The following ADGRF3 variants were observed in gnomAD, a reference collection of about 807,000 sequenced individuals.
The protein encoded by ADGRF3 is adhesion G protein-coupled receptor F3.
ADGRF3 carries 85 observed loss-of-function variants against 93.2 expected under a neutral mutation model. The observed-to-expected ratio is 0.91, with a 90% CI of 0.77 to 1.09. The LOEUF is 1.09. Among genes scored for constraint, ADGRF3 ranks in the 50% least tolerant of loss-of-function variants. The probability of loss-of-function intolerance (pLI) is 0.00; values close to 1 mark genes in which losing one functional copy is unlikely to be tolerated. For synonymous variants in ADGRF3, 534 were observed against 532.5 expected (o/e 1.00, Z -0.04); for missense variants, 1,125 against 1,246.2 (o/e 0.90, Z 1.46).
intron 13 of ADGRF3, 28 bp downstream of exon 13, chr2:26,309,498 G>A (rs765568584): frequency 1.2e-5 from 20 of 1,606,338 alleles, no homozygotes; most frequent in African/African-American, 4.0e-5. Flanking sequence ...CCCTGCTTAC[G>A]CTGCCCCTGA....
rs536225032 is a variant in ADGRF3 at position 26,315,835 on chromosome 2, T to C, written c.500-95A>G. 2.9e-4 allele frequency: 444 copies of C among 1,506,026 alleles called. 3 individuals are homozygous for C. The South Asian group carries it at 5.3e-3, about 18-fold the overall frequency. 93.3% of individuals were successfully genotyped at this position (1,506,026 alleles called of 1,614,324 possible). On this transcript the variant is annotated intron_variant, in intron 4 of 13. Transcript: ENST00000651242. The stretch of plus-strand genomic sequence containing the variant: ...GCTTCTCCCCTGACTCTGGAGCCCA[T>C]TCCTCCACACTCCCTCCCTAGCTTT...
At chr2:26,325,410 T>C (rs948488871) in intron 1 of ADGRF3, among the ~76,000 whole-genome samples, 11 of 152,252 alleles carry the variant, frequency 7.2e-5, no homozygotes, top group Non-Finnish European at 1.5e-4. Context: ...GGTGTAAATT[T>C]ATTCAGAAGG....
At chr2:26,318,132 G>A (rs1312694185) in intron 1 of ADGRF3, 1 of 1,516,706 alleles carries the variant, frequency 6.6e-7, no homozygotes, top group Admixed American at 2.1e-5. Flanking sequence ...GTCTGGTAGG[G>A]AGGTGAGGAT....
At chr2:26,316,138 G>T in intron 4 of ADGRF3, 137 bp downstream of exon 4, 2 of 864,894 alleles carry the variant, frequency 2.3e-6, no homozygotes, top group Non-Finnish European at 3.5e-6. Flanking sequence ...TGCTATGATG[G>T]CTGGCTTTTT....
At chr2:26,317,599 T>C (rs1341282259) in intron 1 of ADGRF3, 37 bp from the exon 2 acceptor site, 1 of 1,547,342 alleles carries the variant, frequency 6.5e-7, no homozygotes, top group Non-Finnish European at 8.8e-7. Flanking sequence ...TCAAGTCCCT[T>C]CCAAAGGCAC....
intron 1 of ADGRF3, chr2:26,319,161 A>G (rs932236651): frequency 1.7e-6 from 2 of 1,144,986 alleles, no homozygotes; most frequent in Non-Finnish European, 2.4e-6. Flanking sequence ...CCAGGGCTGA[A>G]TTTACAGAGG....
intron 5 of ADGRF3, among the ~76,000 whole-genome samples, chr2:26,315,031 A>G (rs1322680802): frequency 1.3e-5 from 2 of 152,350 alleles, no homozygotes; most frequent in African/African-American, 4.8e-5. Context: ...AAATAACTAC[A>G]TTTTCCAAAA....
At position 26,317,504 on chromosome 2, in the gene ADGRF3, C is replaced by A; in HGVS notation, c.173G>T (p.Gly58Val). The change falls in exon 2 of 14, where the codon GGA (glycine) becomes GTA (valine). Residue 58 changes from glycine (G) to valine (V), a missense_variant. By Grantham distance (109) the Gly-to-Val change is moderately radical (BLOSUM62 -3). Transcript: ENST00000651242. The part of the protein sequence containing the change: ...GSGQLLDQEN[G>V]AGESALVSVY... ...CCTGTCCATACACTCACCCCCTGCT[C>A]CATTCTCTTGGTCCAGGAGCTGCCC... is the stretch of plus-strand genomic sequence containing the variant. 1 of 1,591,424 alleles carries A rather than the reference C, an allele frequency of 6.3e-7. No individual in the cohort carries two copies. Among genetic ancestry groups the A allele is most frequent in the Non-Finnish European group, 8.6e-7 (1 of 1,169,322 alleles).
chr2:26,310,140 C>T, intron 11 of ADGRF3, 35 bp from the exon 12 acceptor site: 2 of 1,614,022 alleles, frequency 1.2e-6, no homozygotes, highest in East Asian at 2.2e-5. Context: ...TTATGCCAGC[C>T]ACGGCCCCGG....
rs182742581 is a variant in ADGRF3 at position 26,324,614 on chromosome 2, G to A, written c.115-7052C>T. ...TTGTGTTAGTTTGCTAAGGATAATGGCCTCCAGCTCCATCCATGTCCCTGC... is the reference window on the plus strand; with the variant it reads ...TTGTGTTAGTTTGCTAAGGATAATGACCTCCAGCTCCATCCATGTCCCTGC... On this transcript the variant is annotated intron_variant, in intron 1 of 13. Coordinates refer to ENST00000651242, the MANE Select transcript of ADGRF3 (RefSeq NM_001321971.2). Among the ~76,000 whole-genome samples, 33 of 152,274 alleles carry A rather than the reference G, an allele frequency of 2.2e-4. No individual in the cohort carries two copies. In the East Asian group the frequency reaches 6.0e-3, roughly 28 times the overall value.
chr2:26,345,897 A>G, intron 1 of ADGRF3: 2 of 547,672 alleles, frequency 3.7e-6, no homozygotes, highest in Non-Finnish European at 6.4e-6. Flanking sequence ...ACCAATTTTG[A>G]CGCTAGCAAA....
chr2:26,309,454 C>T (rs1673841938), intron 13 of ADGRF3, 72 bp downstream of exon 13: 3 of 1,570,066 alleles, frequency 1.9e-6, no homozygotes, highest in Middle Eastern at 2.1e-4. Context: ...CAGCACTTTG[C>T]CAGGAGGCCC....
chr2:26,315,649 C>T lies in ADGRF3; in HGVS notation c.591G>A (p.Leu197=), dbSNP rs1479444274. 1 of 1,551,640 alleles carries T rather than the reference C, an allele frequency of 6.4e-7. No individual in the cohort carries two copies. The highest frequency in any genetic ancestry group is 2.0e-5 in the Admixed American group (1 of 50,996). ...TLHLSQEATN[L]SWFLRHPGSP... ...TCCCTGGGTGCCTCAGGAACCAGCT[C>T]AGGTTGGTGGCCTCCTGGCTCAGAT... Residue 197 remains leucine, a synonymous_variant, in exon 5 of 14, where the codon CTG becomes CTA. Coordinates refer to ENST00000651242, the MANE Select transcript of ADGRF3 (RefSeq NM_001321971.2).
intron 5 of ADGRF3, 162 bp from the exon 6 acceptor site, chr2:26,314,785 T>G (rs556415408): frequency 1.6e-6 from 1 of 624,066 alleles, no homozygotes; most frequent in East Asian, 2.8e-5. Flanking sequence ...TGGTGGACAT[T>G]CCCTGTCCCC....
At chr2:26,331,276 C>G (rs1675751663) in intron 1 of ADGRF3, among the ~76,000 whole-genome samples, 1 of 152,114 alleles carries the variant, frequency 6.6e-6, no homozygotes, top group African/African-American at 2.4e-5. Context: ...TATGTGTGGC[C>G]AGGCGCAGTG....
chr2:26,318,287 C>T lies in ADGRF3; in HGVS notation c.115-725G>A, dbSNP rs79675031. 7.5e-3 allele frequency among the ~76,000 whole-genome samples: 1,140 copies of T among 152,222 alleles called. 20 individuals are homozygous for T. Among genetic ancestry groups the T allele is most frequent in the African/African-American group, 0.026 (1,079 of 41,516 alleles). On this transcript the variant is annotated intron_variant, in intron 1 of 13. Transcript: ENST00000651242. ...CCAAAACCAGATATTGATATAGATA[C>T]GAGTATGGATAAGACGTGAGTATAA...
Position 26,317,530 on chromosome 2 carries a change from A to C in ADGRF3, c.147T>G (p.Ser49=), listed in dbSNP as rs1397020066. The change falls in exon 2 of 14, where the codon TCT becomes TCG. Residue 49 remains serine (S), a synonymous_variant. Transcript: ENST00000651242. ...GQSQAGGESG[S]GQLLDQENGA... ...CATTCTCTTGGTCCAGGAGCTGCCC[A>C]GATCCAGATTCCCCTCCAGCCTGAC... 1.3e-6 allele frequency: 2 copies of C among 1,587,844 alleles called. No individual in the cohort carries two copies. The highest frequency in any genetic ancestry group is 1.7e-6 in the Non-Finnish European group (2 of 1,167,452).
chr2:26,311,846 G>A lies in ADGRF3; in HGVS notation c.1678C>T (p.Pro560Ser), dbSNP rs1424631256. 6.2e-7 allele frequency: 1 copy of A among 1,613,786 alleles called. No homozygotes were observed. Among genetic ancestry groups the A allele is most frequent in the Non-Finnish European group, 8.5e-7 (1 of 1,179,866 alleles). ...TGAGCCTGCAGTGGGGGCCGAGTAG[G>A]GAAGGAGATGCTGTAGTCAGCAGGA... is the stretch of plus-strand genomic sequence containing the variant. ...TFPADYSISFPTRPPLQAQIP... is the reference protein window; with the variant it reads ...TFPADYSISFSTRPPLQAQIP... The change falls in exon 10 of 14, where the codon CCT (proline) becomes TCT (serine). Residue 560 changes from proline to serine, a missense_variant. Transcript: ENST00000651242.
chr2:26,325,745 CCTGA>C (rs1386910536), intron 1 of ADGRF3, among the ~76,000 whole-genome samples: 2 of 152,060 alleles, frequency 1.3e-5, no homozygotes, highest in Admixed American at 1.3e-4. Flanking sequence ...AAGCCAGGGT[CCTGA>C]CTAATTTTAA....
Sources: gnomAD v4.1 joint callset for allele counts (sites outside exome capture counted in the v4.1 genomes callset) on GRCh38, gnomAD v4.1.1 for gene constraint, MANE v1.5 for transcripts, NCBI Gene and HGNC (gene_info 2026-07-23, HGNC 2026-07-21) for gene names.